The following RABGAP1 variants were observed in gnomAD, a reference collection of about 807,000 sequenced individuals.
RABGAP1 encodes RAB GTPase activating protein 1.
Under a neutral mutation model 137.6 loss-of-function variants are expected in RABGAP1, and 23 were observed. The observed-to-expected ratio is 0.17, with a 90% CI of 0.12 to 0.24. The LOEUF is 0.24. RABGAP1 is among the 10% of genes least tolerant of loss of function. The pLI is 1.00. For missense variants in RABGAP1, 906 were observed against 1,275.8 expected (o/e 0.71, Z 4.42); for synonymous variants, 451 against 450.7 (o/e 1.00, Z -0.01).
chr9:122,974,443 G>A (rs1184385517), intron 2 of RABGAP1, among the ~76,000 whole-genome samples: 2 of 33,120 alleles, frequency 6.0e-5, no homozygotes, highest in East Asian at 1.0e-3. Flanking sequence ...TTTTTTTTTA[G>A]TTATAATAAT....
intron 2 of RABGAP1, among the ~76,000 whole-genome samples, chr9:122,970,243 G>A (rs1339811864): frequency 6.6e-6 from 1 of 151,964 alleles, no homozygotes. Flanking sequence ...CTGTTTTAAT[G>A]CTAACATTTA....
At chr9:123,054,300 T>G (rs1281638793) in intron 13 of RABGAP1, among the ~76,000 whole-genome samples, 5 of 152,238 alleles carry the variant, frequency 3.3e-5, no homozygotes, top group Non-Finnish European at 7.3e-5. Flanking sequence ...TAACCAATTT[T>G]ATTCCACAAA....
At chr9:123,090,561 C>G (rs2132215051) in intron 21 of RABGAP1, among the ~76,000 whole-genome samples, 176 bp downstream of exon 21, 1 of 152,348 alleles carries the variant, frequency 6.6e-6, no homozygotes, top group East Asian at 1.9e-4. Context: ...TATCTGTTGT[C>G]TCACAAAGCC....
intron 21 of RABGAP1, among the ~76,000 whole-genome samples, chr9:123,095,510 G>T (rs1314169865): frequency 6.6e-6 from 1 of 152,086 alleles, no homozygotes; most frequent in African/African-American, 2.4e-5. Context: ...GACCAGCCTG[G>T]GCAATATAGC....
At chr9:122,989,844 A>T (rs1366896677) in intron 5 of RABGAP1, 5 of 544,610 alleles carry the variant, frequency 9.2e-6, no homozygotes, top group Non-Finnish European at 1.6e-5. Context: ...AATTGGATTT[A>T]TAGTGCTTAC....
At chr9:122,998,120 G>A (rs1322249740) in intron 9 of RABGAP1, among the ~76,000 whole-genome samples, 1 of 151,688 alleles carries the variant, frequency 6.6e-6, no homozygotes, top group Non-Finnish European at 1.5e-5. Context: ...TTATTTTTGA[G>A]ACAGAGTCTT....
At chr9:123,048,785 G>C (rs919935418) in intron 13 of RABGAP1, among the ~76,000 whole-genome samples, 4 of 152,206 alleles carry the variant, frequency 2.6e-5, no homozygotes, top group African/African-American at 9.7e-5. Flanking sequence ...AACAGTACTT[G>C]AGTATTTCCT....
At chr9:122,945,281 A>C (rs1833889385) in intron 1 of RABGAP1, 1 of 151,642 alleles carries the variant, frequency 6.6e-6, no homozygotes, top group Non-Finnish European at 1.5e-5. Flanking sequence ...TTAAGCTTAC[A>C]TTGTAACCAT....
chr9:122,990,030 C>G (rs1836588662), intron 5 of RABGAP1, 26 bp from the exon 6 acceptor site: 1 of 1,552,822 alleles, frequency 6.4e-7, no homozygotes, highest in South Asian at 1.2e-5. Context: ...TGATAACAGC[C>G]CATTTCCTAA....
chr9:123,065,713 A>T (rs903847791), intron 14 of RABGAP1: 2 of 419,626 alleles, frequency 4.8e-6, no homozygotes, highest in Admixed American at 7.3e-5. Flanking sequence ...CCCTGGCTCC[A>T]CATTTAGACT....
chr9:123,044,896 C>G (rs146139554), intron 13 of RABGAP1, among the ~76,000 whole-genome samples: 291 of 152,134 alleles, frequency 1.9e-3, no homozygotes, highest in African/African-American at 6.7e-3. Flanking sequence ...CGTAAAGTAT[C>G]CAGCTGGACA....
intron 13 of RABGAP1, among the ~76,000 whole-genome samples, chr9:123,022,104 T>C (rs992744300): frequency 6.6e-6 from 1 of 152,240 alleles, no homozygotes. Context: ...AATCATATTT[T>C]GGATTTGTAA....
intron 12 of RABGAP1, among the ~76,000 whole-genome samples, chr9:123,018,572 A>G (rs1564136389): frequency 6.6e-6 from 1 of 152,228 alleles, no homozygotes; most frequent in Admixed American, 6.5e-5. Context: ...AGTGTGGCCC[A>G]CAGGCTATAG....
chr9:123,057,109 C>T (rs1278454729), intron 13 of RABGAP1, among the ~76,000 whole-genome samples: 2 of 144,996 alleles, frequency 1.4e-5, no homozygotes, highest in African/African-American at 2.6e-5. Context: ...GGGGGGCTGA[C>T]CCCCCCACCT....
At chr9:122,962,248 T>A (rs2192432) in intron 2 of RABGAP1, among the ~76,000 whole-genome samples, 93,151 of 149,996 alleles carry the variant, frequency 0.62, 35,688 homozygotes, top group Non-Finnish European at 0.86. Flanking sequence ...AAAAAAAAAA[T>A]GGGTAATCCC....
intron 1 of RABGAP1, among the ~76,000 whole-genome samples, chr9:122,955,660 A>G (rs993487894): frequency 2.0e-5 from 3 of 152,050 alleles, no homozygotes; most frequent in African/African-American, 7.3e-5. Flanking sequence ...TTACTCTGCC[A>G]TCAACTTGAT....
chr9:122,949,625 G>A (rs1199707679), intron 1 of RABGAP1, among the ~76,000 whole-genome samples: 2 of 150,006 alleles, frequency 1.3e-5, no homozygotes, highest in East Asian at 3.9e-4. Context: ...AACTCTGGAG[G>A]CAGAGGTTGC....
intron 13 of RABGAP1, among the ~76,000 whole-genome samples, chr9:123,037,539 A>G (rs1234435052): frequency 6.6e-6 from 1 of 152,168 alleles, no homozygotes; most frequent in Admixed American, 6.6e-5. Flanking sequence ...TATTGTATAC[A>G]TTTTCCCTTT....
At chr9:123,054,575 A>T (rs60945606) in intron 13 of RABGAP1, among the ~76,000 whole-genome samples, 4 of 152,200 alleles carry the variant, frequency 2.6e-5, no homozygotes, top group Non-Finnish European at 5.9e-5. Context: ...TAATAACTCA[A>T]TATTGAGATG....
Sources: allele counts gnomAD v4.1 joint callset (sites outside exome capture counted in the v4.1 genomes callset), GRCh38; gene constraint gnomAD v4.1.1; transcripts MANE v1.5; gene names NCBI Gene and HGNC (gene_info 2026-07-23, HGNC 2026-07-21).